SDR39U1: variants seen among roughly 807,000 people sequenced by gnomAD.
The protein encoded by SDR39U1 is epimerase family protein SDR39U1.
A neutral mutation model predicts 31.7 loss-of-function variants in SDR39U1; 29 were observed. The observed-to-expected ratio is 0.92, with a 90% confidence interval of 0.68 to 1.25. SDR39U1 has a LOEUF of 1.25. Among genes scored for constraint, SDR39U1 ranks in the 50% most tolerant of loss-of-function variants. The pLI is 0.00. For synonymous variants in SDR39U1, 147 were observed against 159.0 expected (o/e 0.92, Z 0.57); for missense variants, 403 against 378.4 (o/e 1.06, Z -0.54).
At chr14:24,441,609 TAC>T in intron 4 of SDR39U1, 63 bp downstream of exon 4, 1 of 1,394,136 alleles carries the variant, frequency 7.2e-7, no homozygotes, top group Non-Finnish European at 9.8e-7. Context: ...TGTGCATAGC[TAC>T]AGAGGTCTGA....
At position 24,442,626 on chromosome 14, in the gene SDR39U1, G is replaced by A. The variant is rs1169509905; in HGVS notation, c.16+128C>T. On this transcript the variant is annotated intron_variant, in intron 1 of 5. Transcript: ENST00000399395. ...CAGGTCACAGGGATTAGGGAGATTC[G>A]GCTTCTCGGGCTAGGAGGCCAAGGC... is the stretch of plus-strand genomic sequence containing the variant. 5 of 1,310,742 alleles carry A rather than the reference G, an allele frequency of 3.8e-6. No individual in the cohort carries two copies. In the African/African-American group the frequency reaches 5.8e-5, roughly 15 times the overall value. The allele number at this position is 1,310,742 out of a possible 1,614,324, so 81.2% of individuals were successfully genotyped here. A position where few individuals can be genotyped will look rare whatever the true frequency, so the allele number is the denominator to read the frequency against.
At chr14:24,442,823 A>T (rs553421741), upstream of SDR39U1, 674 of 1,598,646 alleles carry the variant, frequency 4.2e-4, 4 homozygotes, top group East Asian at 0.015. Context: ...CTCACCTCAG[A>T]CGCGACTACG....
rs2043267951 is a variant in SDR39U1, at chr14:24,439,883, A to G, written c.*200T>C. 7.5e-6 allele frequency: 4 copies of G among 531,182 alleles called. No individual in the cohort carries two copies. The highest frequency in any genetic ancestry group is 4.8e-4 in the Middle Eastern group (1 of 2,098). The allele number at this position is 531,182 out of a possible 1,614,324, so 32.9% of individuals were successfully genotyped here. A position where few individuals can be genotyped will look rare whatever the true frequency, so the allele number is the denominator to read the frequency against. On this transcript the variant is annotated 3_prime_UTR_variant, in exon 6 of 6. Transcript: ENST00000399395. ...AACCAAACTGGGAAATCTTACAAGG[A>G]GTTGAAAAGATTAATGTCCCAACCT...
At position 24,440,342 on chromosome 14, in the gene SDR39U1, G is replaced by A. The variant is rs2043288379; in HGVS notation, c.623C>T (p.Ala208Val). The A allele has an allele frequency of 6.2e-7, 1 of 1,614,024 alleles. No individual in the cohort carries two copies. Among genetic ancestry groups the A allele is most frequent in the South Asian group, 1.1e-5 (1 of 91,088 alleles). Residue 208 changes from alanine to valine, a missense_variant, in exon 6 of 6, where the codon GCA (alanine) becomes GTA (valine). Ala to Val is a moderately conservative substitution (Grantham distance 64). Coordinates refer to ENST00000399395, the MANE Select transcript of SDR39U1 (RefSeq NM_020195.3). ...LAGILTHALEANHVHGVLNGV... is the reference protein window; with the variant it reads ...LAGILTHALEVNHVHGVLNGV... ...ATTCAGGACCCCGTGCACGTGGTTTGCTTCAAGGGCATGGGTCAGGATTCC... is the reference window on the plus strand; with the variant it reads ...ATTCAGGACCCCGTGCACGTGGTTTACTTCAAGGGCATGGGTCAGGATTCC...
chr14:24,440,295 T>C lies in SDR39U1; in HGVS notation c.670A>G (p.Thr224Ala), dbSNP rs201366392. Residue 224 changes from threonine to alanine, a missense_variant, in exon 6 of 6, where the codon ACT becomes GCT. Thr to Ala is a moderately conservative substitution (Grantham distance 58). Transcript: ENST00000399395. ...VLNGVAPSSA[T>A]NAEFAQTLGA... ...AAGGTCTGGGCAAACTCAGCATTAG[T>C]GGCGGAGGATGGAGCCACTCCATTC... The C allele has an allele frequency of 2.5e-5, 40 of 1,613,944 alleles. No homozygotes were observed. In the East Asian group the frequency reaches 7.6e-4, roughly 31 times the overall value.
In SDR39U1 at chr14:24,439,925, T is replaced by G; in HGVS notation, c.*158A>C. ...TCCCAACCTGATGAGATTACGGCCT[T>G]GAGACAATAAGGTGGAGCAACAGAA... On this transcript the variant is annotated 3_prime_UTR_variant, in exon 6 of 6. Transcript: ENST00000399395. 3 of 623,314 alleles carry G rather than the reference T, an allele frequency of 4.8e-6. No homozygotes were observed. The highest frequency in any genetic ancestry group is 8.2e-6 in the Non-Finnish European group (3 of 367,038). 38.6% of individuals were successfully genotyped at this position (623,314 alleles called of 1,614,324 possible). A position where few individuals can be genotyped will look rare whatever the true frequency, so the allele number is the denominator to read the frequency against.
At chr14:24,440,531 G>A in intron 5 of SDR39U1, 39 bp from the exon 6 acceptor site, 1 of 1,564,566 alleles carries the variant, frequency 6.4e-7, no homozygotes, top group Non-Finnish European at 8.7e-7. Context: ...GGTCCTCTCA[G>A]CCTTGAAGGA....
At position 24,439,985 on chromosome 14, in the gene SDR39U1, A is replaced by G; in HGVS notation, c.*98T>C. ...AGAGGACTGGGAGAGGAATCTAAGA[A>G]CCAGATGGCTTCAGCTCTCTAGAGG... is the stretch of plus-strand genomic sequence containing the variant. On this transcript the variant is annotated 3_prime_UTR_variant, in exon 6 of 6. Coordinates refer to ENST00000399395, the MANE Select transcript of SDR39U1 (RefSeq NM_020195.3). 1.0e-6 allele frequency: 1 copy of G among 986,936 alleles called. No homozygotes were observed. The highest frequency in any genetic ancestry group is 1.8e-5 in the South Asian group (1 of 54,632). The allele number at this position is 986,936 out of a possible 1,614,324, so 61.1% of individuals were successfully genotyped here.
intron 5 of SDR39U1, 25 bp from the exon 6 acceptor site, chr14:24,440,517 CA>C (rs1273737589): frequency 2.0e-5 from 31 of 1,583,894 alleles, no homozygotes; most frequent in Non-Finnish European, 2.6e-5. Context: ...AGGGAAGGTA[CA>C]GGGGTCCTCT....
chr14:24,441,488 G>GT (rs770724871), intron 4 of SDR39U1, 186 bp downstream of exon 4: 58 of 560,554 alleles, frequency 1.0e-4, no homozygotes, highest in Non-Finnish European at 1.7e-4. Flanking sequence ...ACTCCCCACT[G>GT]TTTTTTCAGG....
rs1594762774 is a variant in SDR39U1 at position 24,440,465 on chromosome 14, G to A, written c.500C>T (p.Ala167Val). 1 of 1,609,070 alleles carries A rather than the reference G, an allele frequency of 6.2e-7. No individual in the cohort carries two copies. The highest frequency in any genetic ancestry group is 1.7e-5 in the Admixed American group (1 of 59,156). The change falls in exon 6 of 6, where the codon GCC (alanine) becomes GTC (valine). Residue 167 changes from alanine to valine, a missense_variant. By Grantham distance (64) the Ala-to-Val change is moderately conservative (BLOSUM62 0). Transcript: ENST00000399395. ...AAAGGGCAGCAGCATGTGGCCCATG[G>A]CACCACCCCCACGGCCCAGCACAAC... is the stretch of plus-strand genomic sequence containing the variant. ...SGVVLGRGGG[A>V]MGHMLLPFRL... is the part of the protein sequence containing the mutation.
At position 24,439,794 on chromosome 14, in the gene SDR39U1, A is replaced by G. The variant is rs1001776218; in HGVS notation, c.*289T>C. 1.4e-5 allele frequency: 4 copies of G among 295,366 alleles called. No individual in the cohort carries two copies. Among genetic ancestry groups the G allele is most frequent in the African/African-American group, 8.7e-5 (4 of 46,180 alleles). The allele number at this position is 295,366 out of a possible 1,614,324, so 18.3% of individuals were successfully genotyped here. A position where few individuals can be genotyped will look rare whatever the true frequency, so the allele number is the denominator to read the frequency against. ...GTGAGACAATTTATTTTTATTGCCT[A>G]AACTGCAGAGCATTCTCTACACAGC... On this transcript the variant is annotated 3_prime_UTR_variant, in exon 6 of 6. Transcript: ENST00000399395.
chr14:24,440,467 A>T lies in SDR39U1; in HGVS notation c.498T>A (p.Gly166=), dbSNP rs2043295844. 2 of 1,608,334 alleles carry T rather than the reference A, an allele frequency of 1.2e-6. No individual in the cohort carries two copies. Among genetic ancestry groups the T allele is most frequent in the Non-Finnish European group, 1.7e-6 (2 of 1,177,400 alleles). The change falls in exon 6 of 6, where the codon GGT becomes GGA. Residue 166 remains glycine, a synonymous_variant. Transcript: ENST00000399395. ...AGGGCAGCAGCATGTGGCCCATGGCACCACCCCCACGGCCCAGCACAACCC... is the reference window on the plus strand; with the variant it reads ...AGGGCAGCAGCATGTGGCCCATGGCTCCACCCCCACGGCCCAGCACAACCC... ...RSGVVLGRGG[G]AMGHMLLPFR... is the part of the protein sequence containing the mutation.
At chr14:24,442,101 T>C (rs1428043106) in intron 3 of SDR39U1, 77 bp downstream of exon 3, 2 of 1,559,330 alleles carry the variant, frequency 1.3e-6, no homozygotes, top group East Asian at 2.4e-5. Context: ...CCATTACCCA[T>C]AGCTCACAGG....
Position 24,442,744 on chromosome 14 carries a change from C to T in SDR39U1, c.16+10G>A, listed in dbSNP as rs747317570. 6.2e-6 allele frequency: 10 copies of T among 1,613,884 alleles called. No homozygotes were observed. The East Asian group carries it at 2.2e-4, about 36-fold the overall frequency. On this transcript the variant is annotated intron_variant, in intron 1 of 5. Transcript: ENST00000399395. ...CCCGCCCAGCACTCTCCCTTTCTGC[C>T]CTCCCTCACCCACAAGCACACGCAT...
Position 24,442,624 on chromosome 14 carries a change from T to C in SDR39U1, c.16+130A>G, listed in dbSNP as rs530257352. 8.3e-5 allele frequency: 109 copies of C among 1,306,266 alleles called. No individual in the cohort carries two copies. The African/African-American group carries it at 1.4e-3, about 17-fold the overall frequency. 80.9% of individuals were successfully genotyped at this position (1,306,266 alleles called of 1,614,324 possible). A position where few individuals can be genotyped will look rare whatever the true frequency, so the allele number is the denominator to read the frequency against. On this transcript the variant is annotated intron_variant, in intron 1 of 5. Coordinates refer to ENST00000399395, the MANE Select transcript of SDR39U1 (RefSeq NM_020195.3). Reference sequence around the variant, plus strand: ...CACAGGTCACAGGGATTAGGGAGATTCGGCTTCTCGGGCTAGGAGGCCAAG... The same window carrying C: ...CACAGGTCACAGGGATTAGGGAGATCCGGCTTCTCGGGCTAGGAGGCCAAG...
chr14:24,442,300 G>A (rs751161738), intron 2 of SDR39U1, 40 bp from the exon 3 acceptor site: 6 of 1,580,060 alleles, frequency 3.8e-6, no homozygotes, highest in African/African-American at 1.9e-5. Context: ...CCCGCCCTGC[G>A]CCGCCCAACT....
Position 24,439,853 on chromosome 14 carries a change from AG to A in SDR39U1, c.*229del. 1 of 490,708 alleles carries A rather than the reference AG, an allele frequency of 2.0e-6. No individual in the cohort carries two copies. The highest frequency in any genetic ancestry group is 3.6e-6 in the Non-Finnish European group (1 of 277,264). The allele number at this position is 490,708 out of a possible 1,614,324, so 30.4% of individuals were successfully genotyped here. ...GAAGTGGGGCAGCTGCAGGACATGT[AG>A]AGAAACCAAACTGGGAAATCTTACA... On this transcript the variant is annotated 3_prime_UTR_variant, in exon 6 of 6. Transcript: ENST00000399395.
At position 24,440,086 on chromosome 14, in the gene SDR39U1, G is replaced by A. The variant is rs759098212; in HGVS notation, c.879C>T (p.Ala293=). Residue 293 remains alanine, a synonymous_variant, in exon 6 of 6, where the codon GCC becomes GCT. Coordinates refer to ENST00000399395, the MANE Select transcript of SDR39U1 (RefSeq NM_020195.3). ...ELGAALKEIV[A] is the part of the protein sequence containing the mutation. ...TCAGGCCCTTGCCACGACCTACTTA[G>A]GCTACAATTTCCTTTAAGGCAGCCC... 1 of 1,594,192 alleles carries A rather than the reference G, an allele frequency of 6.3e-7. No homozygotes were observed. Among genetic ancestry groups the A allele is most frequent in the Non-Finnish European group, 8.6e-7 (1 of 1,166,658 alleles).
Sources: allele counts gnomAD v4.1 joint callset, GRCh38; gene constraint gnomAD v4.1.1; transcripts MANE v1.5; gene names NCBI Gene and HGNC (gene_info 2026-07-23, HGNC 2026-07-21).